Variants in GLI2 observed in about 807,000 individuals in gnomAD.
The protein encoded by GLI2 is transcription activator GLI2.
GLI2 carries 22 observed loss-of-function variants against 78.9 expected under a neutral mutation model. The ratio of observed to expected loss-of-function variants is 0.28; its 90% CI spans 0.20 to 0.40. GLI2 has a LOEUF of 0.40. GLI2 is among the 10% of genes least tolerant of loss of function. The pLI, the probability that GLI2 is intolerant of heterozygous loss-of-function variation, is 1.00. For missense variants in GLI2, 2,097 were observed against 2,213.2 expected (o/e 0.95, Z 1.05); for synonymous variants, 974 against 963.7 (o/e 1.01, Z -0.20).
At position 120,800,962 on chromosome 2, in the gene GLI2, A is replaced by G. The variant is rs1684681758; in HGVS notation, c.148+3494A>G. 6.6e-6 allele frequency among the ~76,000 whole-genome samples: 1 copy of G among 152,144 alleles called. No homozygotes were observed. The highest frequency in any genetic ancestry group is 1.5e-5 in the Non-Finnish European group (1 of 68,016). Reference sequence around the variant, plus strand: ...CAGGGGCTGTTTCCTGGCATCTGTAAGGTATCCAGATGTGGGGGCACCCTG... The same window carrying G: ...CAGGGGCTGTTTCCTGGCATCTGTAGGGTATCCAGATGTGGGGGCACCCTG... On this transcript the variant is annotated intron_variant, in intron 2 of 13. Coordinates refer to ENST00000361492, the MANE Select transcript of GLI2 (RefSeq NM_001374353.1). The surrounding 1 kb of genome is among the most constrained non-coding windows in gnomAD (Gnocchi z 4.1).
chr2:120,757,027 A>G (rs1238612830), intron 1 of GLI2, among the ~76,000 whole-genome samples: 1 of 152,110 alleles, frequency 6.6e-6, no homozygotes, highest in Admixed American at 6.5e-5. Context: ...CTAATCTACC[A>G]CCAATTCCAT....
chr2:120,769,182 G>C (rs113997072), intron 1 of GLI2, among the ~76,000 whole-genome samples: 1 of 152,192 alleles, frequency 6.6e-6, no homozygotes, highest in Non-Finnish European at 1.5e-5. Flanking sequence ...GCCCAGCCTG[G>C]TGGTCTGGCA....
At chr2:120,776,538 C>T (rs959751519) in intron 1 of GLI2, among the ~76,000 whole-genome samples, 66 of 152,110 alleles carry the variant, frequency 4.3e-4, no homozygotes, top group African/African-American at 1.5e-3. Context: ...TTTGCCTGGG[C>T]GGTGGAGTGG....
At chr2:120,840,906 A>G (rs1686837753) in intron 2 of GLI2, among the ~76,000 whole-genome samples, 1 of 151,994 alleles carries the variant, frequency 6.6e-6, no homozygotes, top group Admixed American at 6.5e-5. Context: ...TGAGGCCAAC[A>G]CCCACTCCTG....
At chr2:120,811,900 C>G (rs4848635) in intron 2 of GLI2, among the ~76,000 whole-genome samples, 66,937 of 151,704 alleles carry the variant, frequency 0.44, 15,071 homozygotes, top group Middle Eastern at 0.59. Context: ...TTTACTGGGG[C>G]CCTACTATGC....
intron 1 of GLI2, among the ~76,000 whole-genome samples, chr2:120,738,015 T>G (rs1354190665): frequency 2.0e-5 from 3 of 152,202 alleles, no homozygotes; most frequent in Non-Finnish European, 4.4e-5. Context: ...TGGGTTTCCC[T>G]GTGTCTGGGG....
intron 2 of GLI2, among the ~76,000 whole-genome samples, chr2:120,798,923 G>A (rs1045985529): frequency 6.6e-6 from 1 of 152,186 alleles, no homozygotes. Flanking sequence ...CTCTGTGTAT[G>A]TCTGGCCTGC....
At chr2:120,757,291 T>C (rs1683062324) in intron 1 of GLI2, among the ~76,000 whole-genome samples, 1 of 152,180 alleles carries the variant, frequency 6.6e-6, no homozygotes, top group Non-Finnish European at 1.5e-5. Context: ...TTTTATCTTA[T>C]TGGATGTTGA....
At position 120,779,499 on chromosome 2, in the gene GLI2, A is replaced by G. The variant is rs1683776381; in HGVS notation, c.-30-17792A>G. On this transcript the variant is annotated intron_variant, in intron 1 of 13. Transcript: ENST00000361492. Reference sequence around the variant, plus strand: ...CACAGAGTGCACACACCTGACTTGGAGAAGGAACTAGGGTGGGTCTGCCGG... The same window carrying G: ...CACAGAGTGCACACACCTGACTTGGGGAAGGAACTAGGGTGGGTCTGCCGG... Among the ~76,000 whole-genome samples the G allele has an allele frequency of 2.0e-5, 3 of 152,174 alleles. No homozygotes were observed. In the South Asian group the frequency reaches 6.2e-4, roughly 32 times the overall value.
intron 4 of GLI2, among the ~76,000 whole-genome samples, chr2:120,952,833 C>A (rs1681062240): frequency 6.6e-6 from 1 of 152,234 alleles, no homozygotes. Context: ...GGTCCCAGTG[C>A]TGGGATTATA....
At chr2:120,806,305 C>A (rs1256099648) in intron 2 of GLI2, among the ~76,000 whole-genome samples, 1 of 152,178 alleles carries the variant, frequency 6.6e-6, no homozygotes, top group Admixed American at 6.5e-5. Flanking sequence ...TCCCTGCATT[C>A]ATGTGCACAT....
At chr2:120,985,828 C>T (rs1573732424) in intron 12 of GLI2, among the ~76,000 whole-genome samples, 1 of 152,206 alleles carries the variant, frequency 6.6e-6, no homozygotes, top group East Asian at 1.9e-4. Flanking sequence ...CACAGGTCCC[C>T]CTCCTGGTCA....
intron 4 of GLI2, among the ~76,000 whole-genome samples, chr2:120,954,279 G>T (rs955120597): frequency 7.2e-5 from 11 of 152,166 alleles, no homozygotes; most frequent in African/African-American, 2.7e-4. Flanking sequence ...TCCACGGAAG[G>T]TTTTGAGGGA....
chr2:120,870,964 A>G (rs886332407), intron 2 of GLI2, among the ~76,000 whole-genome samples: 3 of 152,226 alleles, frequency 2.0e-5, no homozygotes, highest in African/African-American at 7.2e-5. Context: ...GGCAAGGAAC[A>G]CTCAGGATTT....
intron 1 of GLI2, among the ~76,000 whole-genome samples, chr2:120,761,738 G>C (rs1469516331): frequency 6.6e-6 from 1 of 152,188 alleles, no homozygotes; most frequent in Non-Finnish European, 1.5e-5. Context: ...GTGCTGGGAA[G>C]GAGCAGCTTG....
At chr2:120,929,760 C>T (rs548219463) in intron 3 of GLI2, among the ~76,000 whole-genome samples, 153 of 152,328 alleles carry the variant, frequency 1.0e-3, no homozygotes, top group Middle Eastern at 6.8e-3. Flanking sequence ...GATCCGCTGC[C>T]GCAGCCTTAT....
At chr2:120,874,756 A>G (rs1299686286) in intron 2 of GLI2, among the ~76,000 whole-genome samples, 1 of 152,162 alleles carries the variant, frequency 6.6e-6, no homozygotes, top group East Asian at 1.9e-4. Flanking sequence ...GTCAACAGCC[A>G]CTCGCTGTGG....
chr2:120,766,329 T>C (rs1221102886), intron 1 of GLI2, among the ~76,000 whole-genome samples: 3 of 151,766 alleles, frequency 2.0e-5, no homozygotes, highest in African/African-American at 7.3e-5. Flanking sequence ...GGCCCCATAA[T>C]GTGCCCATCC....
chr2:120,772,051 A>G (rs758898102), intron 1 of GLI2, among the ~76,000 whole-genome samples: 1 of 152,278 alleles, frequency 6.6e-6, no homozygotes, highest in Non-Finnish European at 1.5e-5. Flanking sequence ...CCTAACGCAC[A>G]CAGATGGAGG....
Sources: allele counts gnomAD v4.1 joint callset (sites outside exome capture counted in the v4.1 genomes callset), GRCh38; gene constraint gnomAD v4.1.1; non-coding constraint Gnocchi (gnomAD v3.1); transcripts MANE v1.5; gene names NCBI Gene and HGNC (gene_info 2026-07-23, HGNC 2026-07-21).